The following ADAM22 variants were observed in gnomAD, a reference collection of about 807,000 sequenced individuals.
ADAM22 encodes the protein ADAM metallopeptidase domain 22.
A neutral mutation model predicts 144.6 loss-of-function variants in ADAM22; 65 were observed. The observed-to-expected ratio is 0.45, with a 90% CI of 0.37 to 0.55. The LOEUF (loss-of-function observed/expected upper bound fraction) is 0.55. Among genes scored for constraint, ADAM22 ranks in the 20% least tolerant of loss-of-function variants. ADAM22 has a pLI of 0.00. For missense variants in ADAM22, 974 were observed against 1,184.9 expected (o/e 0.82, Z 2.61); for synonymous variants, 391 against 412.6 (o/e 0.95, Z 0.63).
intron 3 of ADAM22, among the ~76,000 whole-genome samples, chr7:88,044,400 C>T (rs1803980325): frequency 6.6e-6 from 1 of 152,154 alleles, no homozygotes; most frequent in Non-Finnish European, 1.5e-5. Flanking sequence ...GAATTTTCAA[C>T]TAAAAGCTCC....
chr7:87,998,122 A>C (rs1031926399), intron 3 of ADAM22, among the ~76,000 whole-genome samples: 1 of 152,128 alleles, frequency 6.6e-6, no homozygotes, highest in East Asian at 1.9e-4. Context: ...AGGCCGGAAG[A>C]CTTAGCCAGT....
At chr7:88,010,620 C>T (rs2129459562) in intron 3 of ADAM22, among the ~76,000 whole-genome samples, 1 of 152,274 alleles carries the variant, frequency 6.6e-6, no homozygotes, top group South Asian at 2.1e-4. Context: ...AGTGGGAACA[C>T]CCTTGGAATG....
intron 29 of ADAM22, chr7:88,185,853 A>G (rs933814690): frequency 8.5e-5 from 13 of 152,340 alleles, no homozygotes; most frequent in Admixed American, 7.8e-4. Flanking sequence ...TCATGGTCAG[A>G]CACTTGGAAG....
intron 4 of ADAM22, among the ~76,000 whole-genome samples, chr7:88,094,453 A>G (rs1185318475): frequency 1.3e-5 from 2 of 152,238 alleles, no homozygotes; most frequent in African/African-American, 4.8e-5. Flanking sequence ...GAAGGTGGAC[A>G]GAATAAGAGG....
chr7:88,021,408 C>T (rs149322983), intron 3 of ADAM22, among the ~76,000 whole-genome samples: 6 of 152,228 alleles, frequency 3.9e-5, no homozygotes, highest in East Asian at 3.9e-4. Flanking sequence ...GAAGAAACCC[C>T]GGTATGTGCC....
At chr7:87,953,258 T>C in intron 2 of ADAM22, among the ~76,000 whole-genome samples, 1 of 152,222 alleles carries the variant, frequency 6.6e-6, no homozygotes, top group Non-Finnish European at 1.5e-5. Flanking sequence ...GGATCTTTCC[T>C]GCTTTCTCTT....
chr7:87,994,795 G>A (rs143112727), intron 3 of ADAM22, among the ~76,000 whole-genome samples: 6 of 152,126 alleles, frequency 3.9e-5, no homozygotes, highest in Admixed American at 3.9e-4. Context: ...CAATGCCCAT[G>A]TGGTGAAATG....
chr7:88,080,304 C>G (rs1158108729), intron 4 of ADAM22, among the ~76,000 whole-genome samples: 4 of 151,998 alleles, frequency 2.6e-5, no homozygotes. Flanking sequence ...CCAACGAGAA[C>G]AAAGATACAA....
At chr7:88,096,866 G>GA (rs1178794087) in intron 4 of ADAM22, among the ~76,000 whole-genome samples, 1 of 151,856 alleles carries the variant, frequency 6.6e-6, no homozygotes, top group Non-Finnish European at 1.5e-5. Context: ...CACTTGCTGG[G>GA]AAAAAAAGCA....
intron 8 of ADAM22, among the ~76,000 whole-genome samples, chr7:88,126,632 C>T (rs183962554): frequency 3.6e-4 from 54 of 151,920 alleles, no homozygotes; most frequent in African/African-American, 8.7e-4. Context: ...TGCTTGGGAC[C>T]GGAAGTTTTG....
At position 88,113,703 on chromosome 7, in the gene ADAM22, A is replaced by ATATATATATTATAAATATATATAT. The variant is rs1554478728; in HGVS notation, c.474-881_474-880insTATATATATTATAAATATATATAT. On this transcript the variant is annotated intron_variant, in intron 5 of 31. Coordinates refer to ENST00000413139, the MANE Select transcript of ADAM22 (RefSeq NM_001324418.2). ...TATATATATTATAAATAAATAAATA[A>ATATATATATTATAAATATATATAT]ATATATATATATATATATATATATA... Among the ~76,000 whole-genome samples the ATATATATATTATAAATATATATAT allele has an allele frequency of 2.3e-4, 11 of 48,104 alleles. 1 individual carries two copies. The highest frequency in any genetic ancestry group is 8.8e-4 in the African/African-American group (11 of 12,474). The allele number at this position is 48,104 out of a possible 152,430, so 31.6% of individuals were successfully genotyped here.
intron 26 of ADAM22, 37 bp from the exon 27 acceptor site, chr7:88,178,898 C>T (rs1372466796): frequency 7.1e-7 from 1 of 1,399,786 alleles, no homozygotes; most frequent in Non-Finnish European, 9.9e-7. Flanking sequence ...ATGTGTGTGT[C>T]TTGTTTTCTG....
At chr7:88,136,739 C>T (rs994190936) in intron 14 of ADAM22, among the ~76,000 whole-genome samples, 17 of 151,458 alleles carry the variant, frequency 1.1e-4, no homozygotes, top group African/African-American at 3.2e-4. Context: ...GGGTGATGGG[C>T]GCACCAAAAT....
chr7:88,045,177 C>T (rs955340159), intron 3 of ADAM22, among the ~76,000 whole-genome samples: 2 of 151,744 alleles, frequency 1.3e-5, no homozygotes, highest in Non-Finnish European at 2.9e-5. Context: ...GCCACCACAC[C>T]GGGCTAATTT....
Position 88,064,905 on chromosome 7 carries a change from A to T in ADAM22, c.324-10721A>T, listed in dbSNP as rs184723499. On this transcript the variant is annotated intron_variant, in intron 3 of 31. Transcript: ENST00000413139. ...GAGCTAATACATGCAAAACCATTAG[A>T]TCAGTAGAAATAGTACTAGTAATCA... Among the ~76,000 whole-genome samples the T allele has an allele frequency of 3.9e-5, 6 of 152,272 alleles. No individual in the cohort carries two copies. The East Asian group carries it at 7.7e-4, about 20-fold the overall frequency.
chr7:88,024,168 C>T (rs61671900), intron 3 of ADAM22, among the ~76,000 whole-genome samples: 2,516 of 152,240 alleles, frequency 0.017, 85 homozygotes, highest in African/African-American at 0.057. Context: ...GTACAGATGT[C>T]TGTTATACCG....
chr7:88,032,390 T>C (rs1800501662), intron 3 of ADAM22, among the ~76,000 whole-genome samples: 1 of 152,252 alleles, frequency 6.6e-6, no homozygotes, highest in Non-Finnish European at 1.5e-5. Flanking sequence ...GTGGGGCTTG[T>C]AGCCCCTTGG....
chr7:88,038,579 C>T lies in ADAM22; in HGVS notation c.324-37047C>T, dbSNP rs113211295. ...ACGCCATTCTCCTGCCTCAGCCTCC[C>T]GTGTAGCTGGGACTACAGGCGCGCA... On this transcript the variant is annotated intron_variant, in intron 3 of 31. Coordinates refer to ENST00000413139, the MANE Select transcript of ADAM22 (RefSeq NM_001324418.2). Among the ~76,000 whole-genome samples the T allele has an allele frequency of 5.1e-3, 766 of 151,636 alleles. 10 individuals carry two copies. The highest frequency in any genetic ancestry group is 0.041 in the East Asian group (209 of 5,130).
chr7:88,132,905 A>G lies in ADAM22; in HGVS notation c.1031A>G (p.Tyr344Cys). 5 of 1,614,020 alleles carry G rather than the reference A, an allele frequency of 3.1e-6. No individual in the cohort carries two copies. Among genetic ancestry groups the G allele is most frequent in the Non-Finnish European group, 4.2e-6 (5 of 1,179,938 alleles). The change falls in exon 12 of 32, where the codon TAT (tyrosine) becomes TGT (cysteine). Residue 344 changes from tyrosine (Y) to cysteine (C), a missense_variant. Tyr to Cys is a radical substitution (Grantham distance 194). Transcript: ENST00000413139. The stretch of plus-strand genomic sequence containing the variant: ...GAGAGTAGCCGGAGCGGGGCAGCTT[A>G]TATTGGTGGGATTTGCTCGTTGCTG... The part of the protein sequence containing the change: ...QFESSRSGAA[Y>C]IGGICSLLKG...
Sources: gnomAD v4.1 joint callset for allele counts (sites outside exome capture counted in the v4.1 genomes callset) on GRCh38, gnomAD v4.1.1 for gene constraint, MANE v1.5 for transcripts, NCBI Gene and HGNC (gene_info 2026-07-23, HGNC 2026-07-21) for gene names.